The following PPP1R37 variants were observed in gnomAD, a reference collection of about 807,000 sequenced individuals.
The protein encoded by PPP1R37 is protein phosphatase 1 regulatory subunit 37.
In PPP1R37, 21 loss-of-function variants were observed where a neutral mutation model predicts 61.0. That is an observed-to-expected ratio of 0.34 (90% CI 0.24 to 0.50). The LOEUF (loss-of-function observed/expected upper bound fraction) is 0.50. Among genes scored for constraint, PPP1R37 ranks in the 20% least tolerant of loss-of-function variants. The pLI is 0.98. For synonymous variants in PPP1R37, 443 were observed against 433.5 expected, an observed-to-expected ratio of 1.02 and a Z score of -0.27; for missense variants, 910 against 952.7, an observed-to-expected ratio of 0.96 and a Z score of 0.59.
intron 1 of PPP1R37, among the ~76,000 whole-genome samples, chr19:45,115,680 C>T (rs181412631): frequency 1.2e-4 from 18 of 152,154 alleles, no homozygotes; most frequent in African/African-American, 3.6e-4. Flanking sequence ...AATTATTTAT[C>T]GTTAAAAGTT....
At chr19:45,135,507 C>T (rs1287799934) in intron 1 of PPP1R37, among the ~76,000 whole-genome samples, 1 of 152,216 alleles carries the variant, frequency 6.6e-6, no homozygotes, top group Non-Finnish European at 1.5e-5. Context: ...AAAACAGCTA[C>T]GCTTCTCTTC....
chr19:45,138,692 C>T, intron 2 of PPP1R37, 81 bp downstream of exon 2: 1 of 862,024 alleles, frequency 1.2e-6, no homozygotes, highest in South Asian at 1.5e-5. Flanking sequence ...CAGGAGAGGG[C>T]CTCCCACTCC....
chr19:45,136,536 C>T (rs188505103), intron 1 of PPP1R37, among the ~76,000 whole-genome samples: 112 of 152,252 alleles, frequency 7.4e-4, no homozygotes, highest in African/African-American at 2.5e-3. Context: ...GGGCAAGCTC[C>T]GGTCCCCACT....
At chr19:45,108,239 T>C (rs981226224) in intron 1 of PPP1R37, among the ~76,000 whole-genome samples, 3 of 152,190 alleles carry the variant, frequency 2.0e-5, no homozygotes, top group African/African-American at 7.2e-5. Flanking sequence ...AGACAGGGTC[T>C]CGATCTGTCC....
intron 1 of PPP1R37, among the ~76,000 whole-genome samples, chr19:45,117,020 C>G (rs915332571): frequency 6.6e-6 from 1 of 150,840 alleles, no homozygotes; most frequent in Non-Finnish European, 1.5e-5. Context: ...TCAAGCGATT[C>G]TCCTGTCTCA....
chr19:45,107,774 T>C (rs1369338789), intron 1 of PPP1R37, among the ~76,000 whole-genome samples: 3 of 152,206 alleles, frequency 2.0e-5, no homozygotes, highest in African/African-American at 4.8e-5. Flanking sequence ...CTGGCTAGAT[T>C]CACAGCCACC....
intron 1 of PPP1R37, among the ~76,000 whole-genome samples, chr19:45,127,218 G>T (rs1435248801): frequency 6.6e-6 from 1 of 152,016 alleles, no homozygotes; most frequent in East Asian, 1.9e-4. Flanking sequence ...GCGTGGTGGC[G>T]TGTGCCTGTA....
intron 1 of PPP1R37, among the ~76,000 whole-genome samples, chr19:45,123,304 A>G (rs75899039): frequency 0.091 from 13,876 of 152,196 alleles, 905 homozygotes; most frequent in Non-Finnish European, 0.14. Context: ...CAGCACTGGC[A>G]CCTGTGAAGG....
At chr19:45,094,391 G>A (rs1234384373) in intron 1 of PPP1R37, among the ~76,000 whole-genome samples, 2 of 152,164 alleles carry the variant, frequency 1.3e-5, no homozygotes, top group Non-Finnish European at 2.9e-5. Flanking sequence ...AGGATGTTTG[G>A]GACATGGCTA....
chr19:45,139,070 T>C (rs528229816), intron 2 of PPP1R37, among the ~76,000 whole-genome samples: 1 of 152,000 alleles, frequency 6.6e-6, no homozygotes, highest in Non-Finnish European at 1.5e-5. Context: ...CACGCCACCA[T>C]GCCCAGCTAA....
At chr19:45,144,603 G>A in intron 8 of PPP1R37, 1 of 518,392 alleles carries the variant, frequency 1.9e-6, no homozygotes, top group Non-Finnish European at 3.4e-6. Context: ...GGCTGTGGGG[G>A]GTAGGGACTG....
chr19:45,109,514 C>T (rs1305369971), intron 1 of PPP1R37, among the ~76,000 whole-genome samples: 1 of 152,216 alleles, frequency 6.6e-6, no homozygotes, highest in East Asian at 1.9e-4. Flanking sequence ...ATTTGCTGAG[C>T]ACCAGGCTGA....
At chr19:45,102,576 G>T (rs76705128) in intron 1 of PPP1R37, among the ~76,000 whole-genome samples, 21,125 of 152,234 alleles carry the variant, frequency 0.14, 1,629 homozygotes, top group Non-Finnish European at 0.17. Flanking sequence ...GCCTCCCCCG[G>T]CTGTAAGGGT....
chr19:45,143,837 CTT>C (rs377714549), intron 8 of PPP1R37: 290 of 372,340 alleles, frequency 7.8e-4, no homozygotes, highest in South Asian at 1.3e-3. Context: ...TCATTATCTC[CTT>C]TTTTTTTTTG....
intron 1 of PPP1R37, among the ~76,000 whole-genome samples, chr19:45,115,257 G>A (rs1968251460): frequency 6.6e-6 from 1 of 152,214 alleles, no homozygotes; most frequent in African/African-American, 2.4e-5. Flanking sequence ...AGACAGTGGC[G>A]AGGCTGGTGG....
chr19:45,129,923 C>T (rs866776531), intron 1 of PPP1R37, among the ~76,000 whole-genome samples: 1 of 152,308 alleles, frequency 6.6e-6, no homozygotes, highest in African/African-American at 2.4e-5. Flanking sequence ...CAATAATAGT[C>T]GAGGCAGACC....
chr19:45,123,655 C>T (rs1413910592), intron 1 of PPP1R37, among the ~76,000 whole-genome samples: 1 of 152,120 alleles, frequency 6.6e-6, no homozygotes, highest in Non-Finnish European at 1.5e-5. Context: ...GATTATGATG[C>T]GGATTAAATG....
rs1380399827 is a variant in PPP1R37 at position 45,093,256 on chromosome 19, CG to C, written c.-68del. On this transcript the variant is annotated 5_prime_UTR_variant, in exon 1 of 13. It removes the in-frame stop codon of an upstream open reading frame in the 5' UTR. Coordinates refer to ENST00000221462, the MANE Select transcript of PPP1R37 (RefSeq NM_019121.2). Reference sequence around the variant, plus strand: ...GGAGCCCATGCCCCGGGACGGCGGGCGGACCCGGAGAGACAAATCCGGGGCC... The same window carrying C: ...GGAGCCCATGCCCCGGGACGGCGGGCGACCCGGAGAGACAAATCCGGGGCC... 8.2e-7 allele frequency: 1 copy of C among 1,214,346 alleles called. No individual in the cohort carries two copies. The highest frequency in any genetic ancestry group is 1.1e-6 in the Non-Finnish European group (1 of 943,100). The allele number at this position is 1,214,346 out of a possible 1,614,324, so 75.2% of individuals were successfully genotyped here. A position where few individuals can be genotyped will look rare whatever the true frequency, so the allele number is the denominator to read the frequency against.
At chr19:45,112,000 G>T (rs910656040) in intron 1 of PPP1R37, among the ~76,000 whole-genome samples, 4 of 149,452 alleles carry the variant, frequency 2.7e-5, no homozygotes, top group Non-Finnish European at 4.4e-5. Context: ...AGACAGTCTC[G>T]CTCTGTCGTC....
Sources: allele counts gnomAD v4.1 joint callset (sites outside exome capture counted in the v4.1 genomes callset), GRCh38; gene constraint gnomAD v4.1.1; transcripts MANE v1.5; gene names NCBI Gene and HGNC (gene_info 2026-07-23, HGNC 2026-07-21).